SEC31A: variants seen among roughly 807,000 people sequenced by gnomAD.
SEC31A encodes the protein protein transport protein Sec31A.
Under a neutral mutation model 151.0 loss-of-function variants are expected in SEC31A, and 70 were observed. The observed-to-expected ratio is 0.46, with a 90% CI of 0.38 to 0.57. SEC31A has a LOEUF of 0.57. Among genes scored for constraint, SEC31A ranks in the 20% least tolerant of loss-of-function variants. The pLI, the probability that SEC31A is intolerant of heterozygous loss-of-function variation, is 0.00. For synonymous variants in SEC31A, 475 were observed against 505.9 expected (o/e 0.94, Z 0.82); for missense variants, 1,330 against 1,471.2 (o/e 0.90, Z 1.57).
At chr4:82,831,963 C>T (rs1175968352) in intron 22 of SEC31A, among the ~76,000 whole-genome samples, 5 of 152,114 alleles carry the variant, frequency 3.3e-5, no homozygotes, top group Admixed American at 6.5e-5. Flanking sequence ...GAATCAGTAT[C>T]GTGAAAATGG....
At chr4:82,830,555 A>G (rs1457368232) in intron 22 of SEC31A, among the ~76,000 whole-genome samples, 3 of 152,228 alleles carry the variant, frequency 2.0e-5, no homozygotes, top group African/African-American at 7.2e-5. Context: ...CAAAACAGTC[A>G]AGAGTTAACC....
upstream of SEC31A, chr4:82,895,715 C>G (rs1405818570): frequency 1.3e-5 from 2 of 152,164 alleles, no homozygotes; most frequent in Admixed American, 1.3e-4. Flanking sequence ...TCTTCAACTT[C>G]TTGATCAAAT....
At chr4:82,865,449 C>G (rs1384287962) in intron 10 of SEC31A, among the ~76,000 whole-genome samples, 1 of 151,256 alleles carries the variant, frequency 6.6e-6, no homozygotes. Flanking sequence ...AATTACAAAC[C>G]CATGTTCACC....
intron 4 of SEC31A, chr4:82,877,613 G>C (rs1255473375): frequency 1.3e-5 from 2 of 152,098 alleles, no homozygotes; most frequent in African/African-American, 4.8e-5. Flanking sequence ...ATTAAGCTGT[G>C]CATTTATATA....
Position 82,848,985 on chromosome 4 carries a change from G to C in SEC31A, c.2329-8C>G. On this transcript the variant is annotated splice_region_variant and splice_polypyrimidine_tract_variant and intron_variant, in intron 19 of 26. Coordinates refer to ENST00000395310, the MANE Select transcript of SEC31A (RefSeq NM_001077207.4). ...AAGCTGCATGATATTTGGCTAAAAA[G>C]GATTGGAAAAACAGCAGACTGTTGA... 2 of 1,609,960 alleles carry C rather than the reference G, an allele frequency of 1.2e-6. No individual in the cohort carries two copies. Among genetic ancestry groups the C allele is most frequent in the Non-Finnish European group, 1.7e-6 (2 of 1,178,434 alleles).
At chr4:82,868,545 A>C (rs772718868) in intron 8 of SEC31A, among the ~76,000 whole-genome samples, 1 of 151,952 alleles carries the variant, frequency 6.6e-6, no homozygotes, top group Non-Finnish European at 1.5e-5. Flanking sequence ...ATAAATAGAA[A>C]ATGGCTTATA....
chr4:82,891,881 G>A (rs1719810113), upstream of SEC31A, among the ~76,000 whole-genome samples: 1 of 152,218 alleles, frequency 6.6e-6, no homozygotes, highest in African/African-American at 2.4e-5. Flanking sequence ...TTATTTTACA[G>A]CAAGGTGAAG....
intron 1 of SEC31A, among the ~76,000 whole-genome samples, chr4:82,884,895 G>GA (rs1046745226): frequency 2.6e-4 from 39 of 152,238 alleles, no homozygotes; most frequent in South Asian, 1.4e-3. Flanking sequence ...GCCTTGGACC[G>GA]AAACAGTGAA....
At chr4:82,868,505 ATAAT>A (rs1578314119) in intron 8 of SEC31A, among the ~76,000 whole-genome samples, 1 of 126,836 alleles carries the variant, frequency 7.9e-6, no homozygotes, top group Non-Finnish European at 1.8e-5. Flanking sequence ...TGACAAAAAA[ATAAT>A]TAATAGTACT....
chr4:82,891,103 G>A lies in SEC31A; in HGVS notation c.-20C>T, dbSNP rs185312463. The A allele has an allele frequency of 1.2e-5, 19 of 1,535,870 alleles. No homozygotes were observed. Among genetic ancestry groups the A allele is most frequent in the South Asian group, 1.1e-4 (9 of 84,068 alleles). On this transcript the variant is annotated 5_prime_UTR_variant, in exon 1 of 27. An upstream open reading frame in the 5' UTR gains an earlier in-frame stop. Transcript: ENST00000395310. ...GCGGACGCACCTGGCGAGGACCTTC[G>A]GCAGCCGGATCCTGCGTTAGTGCAG...
intron 8 of SEC31A, 58 bp from the exon 9 acceptor site, chr4:82,867,374 C>A: frequency 1.4e-6 from 2 of 1,430,146 alleles, no homozygotes; most frequent in Middle Eastern, 1.8e-4. Context: ...ACTTTGTAAC[C>A]AAAACACCTG....
At chr4:82,827,975 C>T (rs1244449989) in intron 23 of SEC31A, among the ~76,000 whole-genome samples, 5 of 151,430 alleles carry the variant, frequency 3.3e-5, no homozygotes, top group South Asian at 2.1e-4. Flanking sequence ...AGTGCAATAG[C>T]GCAATCTCAG....
intron 1 of SEC31A, among the ~76,000 whole-genome samples, chr4:82,889,286 A>G (rs992099381): frequency 6.6e-6 from 1 of 152,166 alleles, no homozygotes; most frequent in African/African-American, 2.4e-5. Flanking sequence ...GGAGTTTTTA[A>G]CTTGTAAACT....
intron 24 of SEC31A, among the ~76,000 whole-genome samples, chr4:82,825,435 A>G (rs533826783): frequency 2.0e-5 from 3 of 152,370 alleles, no homozygotes; most frequent in African/African-American, 4.8e-5. Flanking sequence ...AGATGCTATA[A>G]CTGAGATTTG....
rs918755054 is a variant in SEC31A, at chr4:82,872,993, G to A, written c.640-907C>T. ...GTGTTAGGATTGAGCTACTGCGCCC[G>A]GCCAGTAGAGAAAACATTTTATGCA... is the stretch of plus-strand genomic sequence containing the variant. On this transcript the variant is annotated intron_variant, in intron 6 of 26. Transcript: ENST00000395310. Among the ~76,000 whole-genome samples the A allele has an allele frequency of 3.9e-5, 6 of 152,170 alleles. No homozygotes were observed. The East Asian group carries it at 5.8e-4, about 15-fold the overall frequency.
chr4:82,893,864 T>G (rs771513882), upstream of SEC31A: 2 of 152,252 alleles, frequency 1.3e-5, no homozygotes, highest in Non-Finnish European at 2.9e-5. Context: ...TCTGGGAATT[T>G]ATCTACATCA....
intron 24 of SEC31A, among the ~76,000 whole-genome samples, chr4:82,826,200 A>T (rs960526741): frequency 6.6e-6 from 1 of 152,202 alleles, no homozygotes; most frequent in Non-Finnish European, 1.5e-5. Flanking sequence ...AGCTTCCCAA[A>T]ATAACACAGG....
At chr4:82,857,639 G>T in intron 15 of SEC31A, 50 bp downstream of exon 15, 2 of 1,190,806 alleles carry the variant, frequency 1.7e-6, no homozygotes, top group Non-Finnish European at 2.5e-6. Flanking sequence ...GGAACTATTT[G>T]TTTTCCAATG....
intron 21 of SEC31A, 61 bp downstream of exon 21, chr4:82,844,325 A>G: frequency 6.4e-7 from 1 of 1,553,848 alleles, no homozygotes; most frequent in Non-Finnish European, 8.8e-7. Flanking sequence ...GCTTCAAAGT[A>G]AAGTTACTAA....
Sources: gnomAD v4.1 joint callset for allele counts (sites outside exome capture counted in the v4.1 genomes callset) on GRCh38, gnomAD v4.1.1 for gene constraint, MANE v1.5 for transcripts, NCBI Gene and HGNC (gene_info 2026-07-23, HGNC 2026-07-21) for gene names.